Variants in CDH13 observed in about 807,000 individuals in gnomAD.
CDH13 encodes cadherin-13.
Under a neutral mutation model 63.8 loss-of-function variants are expected in CDH13, and 24 were observed. That is an observed-to-expected ratio of 0.38 (90% confidence interval 0.27 to 0.53). The LOEUF (loss-of-function observed/expected upper bound fraction) is 0.53, where lower values mean the gene tolerates loss of function less well. CDH13 is among the 20% of genes least tolerant of loss of function. The probability of loss-of-function intolerance (pLI) is 0.85; values close to 1 mark genes in which losing one functional copy is unlikely to be tolerated. For synonymous variants in CDH13, 503 were observed against 355.3 expected, an observed-to-expected ratio of 1.42 and a Z score of -4.67; for missense variants, 1,049 against 903.1, an observed-to-expected ratio of 1.16 and a Z score of -2.07.
intron 1 of CDH13, among the ~76,000 whole-genome samples, chr16:82,647,482 G>T (rs1404530457): frequency 6.6e-6 from 1 of 152,158 alleles, no homozygotes; most frequent in Non-Finnish European, 1.5e-5. Flanking sequence ...GGAAACAGAC[G>T]AGGGGTCTGT....
chr16:83,578,634 ATTAATACTGCATGCCCAGCAGTG>A (rs1905256282), intron 7 of CDH13, among the ~76,000 whole-genome samples: 3 of 152,210 alleles, frequency 2.0e-5, no homozygotes, highest in Non-Finnish European at 4.4e-5. Flanking sequence ...ATGAGCATCT[ATTAATACTGCATGCCCAGCAGTG>A]CCCTTGCTGT....
chr16:82,641,186 T>A (rs144445477), intron 1 of CDH13, among the ~76,000 whole-genome samples: 14 of 152,176 alleles, frequency 9.2e-5, no homozygotes, highest in Non-Finnish European at 1.6e-4. Flanking sequence ...GCTGAGGGTG[T>A]ATTCACTCGC....
chr16:83,352,513 G>A (rs2090973685), intron 6 of CDH13, among the ~76,000 whole-genome samples: 2 of 152,146 alleles, frequency 1.3e-5, no homozygotes, highest in Middle Eastern at 3.2e-3. Context: ...AAAAACACCT[G>A]CACTCATGGT....
chr16:83,506,647 G>A (rs117930116), intron 7 of CDH13, among the ~76,000 whole-genome samples: 1,874 of 152,250 alleles, frequency 0.012, 15 homozygotes, highest in Middle Eastern at 0.051. Context: ...CTCCCACATC[G>A]AATAGGAATG....
intron 2 of CDH13, among the ~76,000 whole-genome samples, chr16:82,965,322 C>G (rs931977688): frequency 6.6e-6 from 1 of 152,330 alleles, no homozygotes; most frequent in Non-Finnish European, 1.5e-5. Context: ...TGGAGCTGAA[C>G]AAGGAGCCCC....
intron 13 of CDH13, among the ~76,000 whole-genome samples, chr16:83,786,927 C>A (rs1021053430): frequency 6.6e-6 from 1 of 152,142 alleles, no homozygotes; most frequent in Non-Finnish European, 1.5e-5. Flanking sequence ...ATATTACAGG[C>A]AAAGGTAAAA....
chr16:83,490,040 C>T (rs972439227), intron 7 of CDH13, among the ~76,000 whole-genome samples: 29 of 148,568 alleles, frequency 2.0e-4, no homozygotes, highest in Admixed American at 1.5e-3. Flanking sequence ...CACACACACA[C>T]ACACACACAG....
At chr16:82,851,153 G>C (rs1047372473) in intron 1 of CDH13, among the ~76,000 whole-genome samples, 5 of 152,090 alleles carry the variant, frequency 3.3e-5, no homozygotes, top group Admixed American at 6.6e-5. Context: ...AGCAACAATA[G>C]GGCCAGGTAC....
intron 5 of CDH13, among the ~76,000 whole-genome samples, chr16:83,312,121 T>C (rs977083239): frequency 1.5e-4 from 22 of 151,452 alleles, no homozygotes; most frequent in Admixed American, 2.6e-4. Flanking sequence ...CACTTTTTTG[T>C]CTATTGGTTG....
chr16:82,884,854 G>A lies in CDH13; in HGVS notation c.157+26381G>A, dbSNP rs149675302. Among the ~76,000 whole-genome samples, 550 of 152,240 alleles carry A rather than the reference G, an allele frequency of 3.6e-3. 7 individuals carry two copies. Among genetic ancestry groups the A allele is most frequent in the African/African-American group, 0.012 (496 of 41,552 alleles). ...TCTTCTCCAGTCATCAACTTATAAC[G>A]TAAAGACAAAGCTGTGGGGAAAATC... On this transcript the variant is annotated intron_variant, in intron 2 of 13. Coordinates refer to ENST00000567109, the MANE Select transcript of CDH13 (RefSeq NM_001257.5).
At chr16:83,217,574 A>G in intron 5 of CDH13, 77 bp downstream of exon 5, 3 of 1,453,060 alleles carry the variant, frequency 2.1e-6, no homozygotes, top group South Asian at 2.6e-5. Context: ...CACTGAGCTC[A>G]TTATTTCTGT....
intron 8 of CDH13, among the ~76,000 whole-genome samples, chr16:83,607,987 A>G (rs1446454359): frequency 1.3e-5 from 2 of 152,148 alleles, no homozygotes; most frequent in African/African-American, 2.4e-5. Context: ...AATAAGTCAT[A>G]TTTTCACATA....
intron 2 of CDH13, among the ~76,000 whole-genome samples, chr16:82,878,318 G>C (rs778335301): frequency 1.3e-5 from 2 of 151,818 alleles, no homozygotes; most frequent in Non-Finnish European, 2.9e-5. Flanking sequence ...TGGCTTTCAA[G>C]ATTTTTGTTT....
chr16:82,846,139 A>T (rs927872628), intron 1 of CDH13, among the ~76,000 whole-genome samples: 1 of 152,156 alleles, frequency 6.6e-6, no homozygotes, highest in African/African-American at 2.4e-5. Context: ...CTGGCATGCT[A>T]TGGTGTTTGC....
At chr16:82,955,643 G>T (rs1905966626) in intron 2 of CDH13, among the ~76,000 whole-genome samples, 1 of 152,176 alleles carries the variant, frequency 6.6e-6, no homozygotes, top group Non-Finnish European at 1.5e-5. Flanking sequence ...TAGGTGCTGT[G>T]AATACAGTGG....
At chr16:83,018,845 A>T (rs954464815) in intron 2 of CDH13, among the ~76,000 whole-genome samples, 2 of 152,234 alleles carry the variant, frequency 1.3e-5, no homozygotes, top group African/African-American at 2.4e-5. Context: ...GTATCTAAAC[A>T]TATCTAAACA....
rs559448667 is a variant in CDH13 at position 83,496,630 on chromosome 16, G to A, written c.960+9975G>A. 4.2e-3 allele frequency among the ~76,000 whole-genome samples: 635 copies of A among 152,232 alleles called. 1 individual carries two copies. The highest frequency in any genetic ancestry group is 0.015 in the African/African-American group (604 of 41,544). ...GGACTTCATGTCTAAAACACCAAAA[G>A]CAATGGCAACAAAAGACAAAATTGA... On this transcript the variant is annotated intron_variant, in intron 7 of 13. Transcript: ENST00000567109.
intron 1 of CDH13, chr16:82,688,893 A>G (rs1165485166): frequency 1.3e-5 from 2 of 152,150 alleles, no homozygotes; most frequent in Non-Finnish European, 2.9e-5. Flanking sequence ...TGGAAAAGGG[A>G]CCAAATAGGA....
chr16:83,551,404 C>A lies in CDH13; in HGVS notation c.961-51050C>A, dbSNP rs555084087. ...CATGTAAGTCTCATCATGTTACAAC[C>A]CTGCTTTACATAGTCAAAGTCAACA... is the stretch of plus-strand genomic sequence containing the variant. On this transcript the variant is annotated intron_variant, in intron 7 of 13. Transcript: ENST00000567109. Among the ~76,000 whole-genome samples, 81 of 152,270 alleles carry A rather than the reference C, an allele frequency of 5.3e-4. 1 individual carries two copies. Among genetic ancestry groups the A allele is most frequent in the African/African-American group, 1.9e-3 (80 of 41,552 alleles).
Sources: gnomAD v4.1 joint callset for allele counts (sites outside exome capture counted in the v4.1 genomes callset) on GRCh38, gnomAD v4.1.1 for gene constraint, MANE v1.5 for transcripts, NCBI Gene and HGNC (gene_info 2026-07-23, HGNC 2026-07-21) for gene names.